The following PAPPA2 variants were observed in gnomAD, a reference collection of about 807,000 sequenced individuals.
PAPPA2 encodes pappalysin-2.
Under a neutral mutation model 176.4 loss-of-function variants are expected in PAPPA2, and 86 were observed. The observed-to-expected ratio is 0.49, with a 90% CI of 0.41 to 0.58. The LOEUF (loss-of-function observed/expected upper bound fraction) is 0.58. Ranked by LOEUF, PAPPA2 falls within the 20% of genes least tolerant of loss-of-function variation. PAPPA2 has a pLI of 0.00. For synonymous variants in PAPPA2, 809 were observed against 852.2 expected, an observed-to-expected ratio of 0.95 and a Z score of 0.88; for missense variants, 2,073 against 2,256.9, an observed-to-expected ratio of 0.92 and a Z score of 1.65.
intron 1 of PAPPA2, among the ~76,000 whole-genome samples, chr1:176,527,167 G>A (rs758988652): frequency 2.6e-4 from 40 of 152,194 alleles, no homozygotes; most frequent in Non-Finnish European, 5.3e-4. Flanking sequence ...AAGTTTAGCA[G>A]AGGTGAAAGA....
rs368036910 is a variant in PAPPA2, at chr1:176,731,330, C to T, written c.3799-8296C>T. ...TATATATAATTTTGAGACGGAGTCT[C>T]ACTTTGTTGCCCAGGTTGGAGTGCA... On this transcript the variant is annotated intron_variant, in intron 12 of 22. Transcript: ENST00000367662. 1.5e-4 allele frequency among the ~76,000 whole-genome samples: 23 copies of T among 152,112 alleles called. No individual in the cohort carries two copies. In the East Asian group the frequency reaches 4.1e-3, roughly 27 times the overall value.
At chr1:176,564,222 G>T (rs1651830196) in intron 2 of PAPPA2, among the ~76,000 whole-genome samples, 1 of 152,286 alleles carries the variant, frequency 6.6e-6, no homozygotes, top group South Asian at 2.1e-4. Flanking sequence ...TGTTGCTGTT[G>T]CTAGTATGTG....
chr1:176,519,912 T>A (rs952239081), intron 1 of PAPPA2, among the ~76,000 whole-genome samples: 3 of 152,232 alleles, frequency 2.0e-5, no homozygotes, highest in Non-Finnish European at 2.9e-5. Flanking sequence ...TCTACTTGAC[T>A]GTGTTTCTTC....
chr1:176,810,985 C>T (rs1205420540), intron 21 of PAPPA2, among the ~76,000 whole-genome samples: 3 of 152,136 alleles, frequency 2.0e-5, no homozygotes, highest in Non-Finnish European at 2.9e-5. Context: ...CTCTTCCTTC[C>T]TCAGTCTTTT....
chr1:176,507,979 CA>C (rs1364551379), intron 1 of PAPPA2, among the ~76,000 whole-genome samples: 1 of 151,930 alleles, frequency 6.6e-6, no homozygotes, highest in African/African-American at 2.4e-5. Flanking sequence ...GGAAGAAAAA[CA>C]AACTAAAAAC....
chr1:176,832,084 G>A (rs1237447634), intron 21 of PAPPA2, among the ~76,000 whole-genome samples: 2 of 152,152 alleles, frequency 1.3e-5, no homozygotes, highest in African/African-American at 4.8e-5. Context: ...AGACAATTCA[G>A]GCACCAACCT....
intron 1 of PAPPA2, among the ~76,000 whole-genome samples, chr1:176,497,508 CCAAGG>C (rs1480314633): frequency 1.3e-5 from 2 of 152,136 alleles, no homozygotes; most frequent in Non-Finnish European, 2.9e-5. Flanking sequence ...ATCTGGAGCC[CCAAGG>C]GGGATCTTTT....
intron 17 of PAPPA2, among the ~76,000 whole-genome samples, chr1:176,786,652 G>T (rs576425154): frequency 6.6e-6 from 1 of 152,166 alleles, no homozygotes; most frequent in Non-Finnish European, 1.5e-5. Flanking sequence ...TGTGGAGCAC[G>T]CCAGGAACAG....
intron 3 of PAPPA2, among the ~76,000 whole-genome samples, chr1:176,634,486 T>C (rs899498795): frequency 6.6e-6 from 1 of 152,064 alleles, no homozygotes; most frequent in South Asian, 2.1e-4. Context: ...ATATACCTAA[T>C]GTAAATGAGG....
At chr1:176,498,967 T>C (rs1365909522) in intron 1 of PAPPA2, among the ~76,000 whole-genome samples, 1 of 152,168 alleles carries the variant, frequency 6.6e-6, no homozygotes, top group Non-Finnish European at 1.5e-5. Flanking sequence ...TCCTTCTTTT[T>C]TCTCTCCCTT....
chr1:176,796,620 C>CTT (rs774964236), intron 20 of PAPPA2, among the ~76,000 whole-genome samples: 1 of 146,460 alleles, frequency 6.8e-6, no homozygotes, highest in Non-Finnish European at 1.5e-5. Context: ...CTTTTCTTTT[C>CTT]TTTCTTTCTT....
chr1:176,655,650 A>G (rs1657992893), intron 3 of PAPPA2, among the ~76,000 whole-genome samples: 1 of 151,864 alleles, frequency 6.6e-6, no homozygotes, highest in South Asian at 2.1e-4. Context: ...ATGGACACAG[A>G]GTGTGAAATG....
chr1:176,763,878 A>G (rs571620654), intron 14 of PAPPA2, among the ~76,000 whole-genome samples: 2 of 152,346 alleles, frequency 1.3e-5, no homozygotes, highest in East Asian at 1.9e-4. Flanking sequence ...TTGTGTTGCT[A>G]TAACTGAATG....
At chr1:176,744,096 A>G (rs1662801091) in intron 14 of PAPPA2, among the ~76,000 whole-genome samples, 1 of 152,118 alleles carries the variant, frequency 6.6e-6, no homozygotes, top group South Asian at 2.1e-4. Context: ...TTTCCCTTGT[A>G]TTCCAAACAG....
chr1:176,586,452 A>G (rs752407485), intron 2 of PAPPA2, among the ~76,000 whole-genome samples: 11 of 151,662 alleles, frequency 7.3e-5, no homozygotes, highest in Non-Finnish European at 1.2e-4. Context: ...TCACCCCCAT[A>G]CCCCAACAGG....
intron 2 of PAPPA2, among the ~76,000 whole-genome samples, chr1:176,588,032 C>G (rs940987872): frequency 6.6e-6 from 1 of 152,184 alleles, no homozygotes; most frequent in Non-Finnish European, 1.5e-5. Flanking sequence ...ATTGATTCTT[C>G]CTATCCATGA....
chr1:176,477,693 C>T (rs886996162), intron 1 of PAPPA2, among the ~76,000 whole-genome samples: 3 of 151,758 alleles, frequency 2.0e-5, no homozygotes, highest in Admixed American at 6.6e-5. Flanking sequence ...TGCAGTGAGC[C>T]GAGATTGCGC....
intron 15 of PAPPA2, among the ~76,000 whole-genome samples, chr1:176,766,526 G>T (rs944150729): frequency 6.6e-6 from 1 of 152,106 alleles, no homozygotes; most frequent in African/African-American, 2.4e-5. Flanking sequence ...CCTTAAGCTT[G>T]TTTTCACATT....
chr1:176,603,546 C>T (rs192166497), intron 3 of PAPPA2, among the ~76,000 whole-genome samples: 4 of 152,192 alleles, frequency 2.6e-5, no homozygotes, highest in Admixed American at 2.6e-4. Flanking sequence ...CAAGGTTTCT[C>T]TCACTTCTTA....
Sources: gnomAD v4.1 joint callset for allele counts (sites outside exome capture counted in the v4.1 genomes callset) on GRCh38, gnomAD v4.1.1 for gene constraint, MANE v1.5 for transcripts, NCBI Gene and HGNC (gene_info 2026-07-23, HGNC 2026-07-21) for gene names.